COL26A1: variants seen among roughly 807,000 people sequenced by gnomAD.
COL26A1 encodes collagen alpha-1(XXVI) chain.
A neutral mutation model predicts 59.3 loss-of-function variants in COL26A1; 41 were observed. That is an observed-to-expected ratio of 0.69 (90% CI 0.54 to 0.90). The LOEUF is 0.90. COL26A1 is among the 40% of genes least tolerant of loss of function. The pLI, the probability that COL26A1 is intolerant of heterozygous loss-of-function variation, is 0.00. For synonymous variants in COL26A1, 266 were observed against 256.0 expected (o/e 1.04, Z -0.37); for missense variants, 612 against 602.3 (o/e 1.02, Z -0.17).
chr7:101,491,324 C>T (rs1468152851), intron 3 of COL26A1, among the ~76,000 whole-genome samples: 1 of 152,106 alleles, frequency 6.6e-6, no homozygotes. Flanking sequence ...ACAGACACTA[C>T]AGAGAGCTGG....
At chr7:101,446,386 T>C (rs1793195249) in intron 2 of COL26A1, among the ~76,000 whole-genome samples, 1 of 152,200 alleles carries the variant, frequency 6.6e-6, no homozygotes, top group African/African-American at 2.4e-5. Context: ...TTTCTGTGCC[T>C]GGGTGGTTCA....
At chr7:101,503,315 T>C (rs987789641) in intron 3 of COL26A1, among the ~76,000 whole-genome samples, 4 of 152,180 alleles carry the variant, frequency 2.6e-5, no homozygotes, top group African/African-American at 9.7e-5. Context: ...CTTCTCAAAC[T>C]GTCCCACGTG....
At chr7:101,498,770 A>G (rs1364721191) in intron 3 of COL26A1, among the ~76,000 whole-genome samples, 1 of 152,106 alleles carries the variant, frequency 6.6e-6, no homozygotes, top group East Asian at 1.9e-4. Context: ...ATTCAACAGG[A>G]TGTTTTCCCA....
Position 101,419,864 on chromosome 7 carries a change from G to A in COL26A1, c.159-113G>A, listed in dbSNP as rs983479426. On this transcript the variant is annotated intron_variant, in intron 1 of 12. Transcript: ENST00000313669. Reference sequence around the variant, plus strand: ...CAGTGGGCCCCCCATCCAAGAGAGCGAGCCTCCACCCCAGGTTTGCGGGGG... The same window carrying A: ...CAGTGGGCCCCCCATCCAAGAGAGCAAGCCTCCACCCCAGGTTTGCGGGGG... 8 of 1,114,118 alleles carry A rather than the reference G, an allele frequency of 7.2e-6. No individual in the cohort carries two copies. The East Asian group carries it at 7.8e-5, about 11-fold the overall frequency. The allele number at this position is 1,114,118 out of a possible 1,614,324, so 69.0% of individuals were successfully genotyped here.
At chr7:101,471,571 G>GTTGTTTTTT (rs1793903750) in intron 3 of COL26A1, among the ~76,000 whole-genome samples, 1 of 93,012 alleles carries the variant, frequency 1.1e-5, no homozygotes, top group African/African-American at 3.9e-5. Flanking sequence ...GTTGTTGTTT[G>GTTGTTTTTT]TTTTTTTTTT....
intron 1 of COL26A1, among the ~76,000 whole-genome samples, chr7:101,387,736 TTA>T (rs369463267): frequency 0.028 from 3,039 of 106,676 alleles, 149 homozygotes; most frequent in African/African-American, 0.1. Flanking sequence ...TTTAATATAA[TTA>T]TATATATATA....
intron 3 of COL26A1, among the ~76,000 whole-genome samples, chr7:101,531,685 G>A (rs1399742055): frequency 5.9e-5 from 9 of 152,030 alleles, no homozygotes; most frequent in Admixed American, 3.3e-4. Context: ...GTACAGCCTC[G>A]ACCACCTATT....
intron 1 of COL26A1, among the ~76,000 whole-genome samples, chr7:101,415,309 T>G (rs1463997696): frequency 3.3e-5 from 5 of 152,026 alleles, no homozygotes; most frequent in Non-Finnish European, 7.4e-5. Flanking sequence ...CCCTCCACCA[T>G]GCCCGGCTAA....
chr7:101,474,924 G>T (rs1793997156), intron 3 of COL26A1, among the ~76,000 whole-genome samples: 2 of 152,010 alleles, frequency 1.3e-5, no homozygotes, highest in South Asian at 4.1e-4. Flanking sequence ...CAGGCGCAGT[G>T]GCTCACGCCT....
chr7:101,365,655 C>A (rs951204067), intron 1 of COL26A1, among the ~76,000 whole-genome samples: 30 of 151,996 alleles, frequency 2.0e-4, no homozygotes, highest in African/African-American at 7.0e-4. Context: ...AACTCCTGGC[C>A]TCAAATGATC....
intron 11 of COL26A1, among the ~76,000 whole-genome samples, chr7:101,554,187 G>C (rs1022451447): frequency 6.6e-6 from 1 of 152,096 alleles, no homozygotes; most frequent in Non-Finnish European, 1.5e-5. Flanking sequence ...GGGCCGGCAG[G>C]GGGGGCCTTG....
rs373130240 is a variant in COL26A1, at chr7:101,363,137, C to T, written c.105C>T (p.His35=). Residue 35 remains histidine, a synonymous_variant, in exon 1 of 13, where the codon CAC becomes CAT. Coordinates refer to ENST00000313669, the MANE Select transcript of COL26A1 (RefSeq NM_001278563.3). The part of the protein sequence containing the change: ...YPFSAAALQQ[H]GYPEPGAGSP... ...TCTCGGCCGCAGCTCTGCAGCAGCA[C>T]GGCTACCCCGAGCCCGGCGCCGGCT... is the stretch of plus-strand genomic sequence containing the variant. 1.7e-4 allele frequency: 261 copies of T among 1,518,390 alleles called. 2 individuals are homozygous for T. Among genetic ancestry groups the T allele is most frequent in the Non-Finnish European group, 2.2e-4 (256 of 1,140,768 alleles). 94.1% of individuals were successfully genotyped at this position (1,518,390 alleles called of 1,614,324 possible).
At chr7:101,471,564 G>GTTTTTTTTTTTTTTT (rs1562997549) in intron 3 of COL26A1, among the ~76,000 whole-genome samples, 2 of 129,024 alleles carry the variant, frequency 1.6e-5, no homozygotes, top group African/African-American at 6.2e-5. Context: ...TGTTGTTGTT[G>GTTTTTTTTTTTTTTT]TTGTTTGTTT....
chr7:101,499,965 T>C (rs1305469353), intron 3 of COL26A1, among the ~76,000 whole-genome samples: 1 of 152,042 alleles, frequency 6.6e-6, no homozygotes, highest in African/African-American at 2.4e-5. Flanking sequence ...GGCAGTGTTC[T>C]ACCCTTACCC....
chr7:101,462,930 G>A (rs1012484019), intron 3 of COL26A1, among the ~76,000 whole-genome samples: 3 of 152,126 alleles, frequency 2.0e-5, no homozygotes, highest in African/African-American at 7.2e-5. Context: ...GGGACACTTC[G>A]TGCATCAAAG....
chr7:101,420,141 T>C (rs1741062730), intron 2 of COL26A1, 42 bp downstream of exon 2: 1 of 1,600,890 alleles, frequency 6.2e-7, no homozygotes, highest in African/African-American at 1.3e-5. Context: ...TTCCCTCCCA[T>C]TCCCTCGGAC....
chr7:101,552,541 C>T (rs1177973748), intron 10 of COL26A1, among the ~76,000 whole-genome samples: 1 of 152,134 alleles, frequency 6.6e-6, no homozygotes, highest in Non-Finnish European at 1.5e-5. Context: ...CACTTGAACC[C>T]AGGAGGTAGA....
chr7:101,396,033 G>A (rs1261737635), intron 1 of COL26A1, among the ~76,000 whole-genome samples: 2 of 152,130 alleles, frequency 1.3e-5, no homozygotes, highest in Admixed American at 1.3e-4. Context: ...TGCAGTGGGA[G>A]GATTGCTTGA....
At chr7:101,395,116 G>A (rs922260659) in intron 1 of COL26A1, among the ~76,000 whole-genome samples, 2 of 151,112 alleles carry the variant, frequency 1.3e-5, no homozygotes, top group African/African-American at 2.4e-5. Flanking sequence ...CAGACGATCC[G>A]TCTGCCCTGG....
Sources: gnomAD v4.1 joint callset for allele counts (sites outside exome capture counted in the v4.1 genomes callset) on GRCh38, gnomAD v4.1.1 for gene constraint, MANE v1.5 for transcripts, NCBI Gene and HGNC (gene_info 2026-07-23, HGNC 2026-07-21) for gene names.